The following VCAN variants were observed in gnomAD, a reference collection of about 807,000 sequenced individuals.
VCAN encodes versican.
VCAN carries 44 observed loss-of-function variants against 245.5 expected under a neutral mutation model. The ratio of observed to expected loss-of-function variants is 0.18; its 90% CI spans 0.14 to 0.23. VCAN has a LOEUF of 0.23. Ranked by LOEUF, VCAN falls within the 10% of genes least tolerant of loss-of-function variation. The probability of loss-of-function intolerance (pLI) is 1.00; values close to 1 mark genes in which losing one functional copy is unlikely to be tolerated. For missense variants in VCAN, 3,793 were observed against 4,057.9 expected, an observed-to-expected ratio of 0.93 and a Z score of 1.77; for synonymous variants, 1,413 against 1,437.0, an observed-to-expected ratio of 0.98 and a Z score of 0.38.
chr5:83,484,565 A>G (rs552185715), intron 2 of VCAN, among the ~76,000 whole-genome samples: 21 of 151,408 alleles, frequency 1.4e-4, no homozygotes, highest in African/African-American at 4.4e-4. Context: ...TCATCCATCC[A>G]TTTTTCCCAC....
chr5:83,552,221 T>C (rs1262111217), intron 10 of VCAN, among the ~76,000 whole-genome samples: 1 of 152,036 alleles, frequency 6.6e-6, no homozygotes, highest in Non-Finnish European at 1.5e-5. Context: ...ACAATCTGAG[T>C]TTCAATTTGG....
chr5:83,486,871 A>T (rs1184569050), intron 2 of VCAN, among the ~76,000 whole-genome samples: 1 of 152,164 alleles, frequency 6.6e-6, no homozygotes. Context: ...CATAAAACAG[A>T]TTTTCTGGAT....
intron 12 of VCAN, among the ~76,000 whole-genome samples, chr5:83,564,005 C>A (rs148220084): frequency 6.6e-6 from 1 of 151,984 alleles, no homozygotes; most frequent in East Asian, 1.9e-4. Flanking sequence ...AAGAAACTAC[C>A]GTAGGTGAAC....
intron 7 of VCAN, among the ~76,000 whole-genome samples, chr5:83,526,126 G>T (rs923084826): frequency 3.3e-5 from 5 of 152,086 alleles, no homozygotes; most frequent in African/African-American, 7.2e-5. Context: ...TTTTAGTAGA[G>T]ACAGGGTTTC....
intron 12 of VCAN, among the ~76,000 whole-genome samples, chr5:83,559,487 A>G (rs544522560): frequency 6.6e-6 from 1 of 152,254 alleles, no homozygotes; most frequent in East Asian, 1.9e-4. Flanking sequence ...GGAATAAGCC[A>G]TGGGTTCTCA....
In VCAN at chr5:83,560,100, A is replaced by C. The variant is rs115334864; in HGVS notation, c.9735+5062A>C. Among the ~76,000 whole-genome samples the C allele has an allele frequency of 9.1e-3, 1,388 of 152,212 alleles. 15 individuals are homozygous for C. Among genetic ancestry groups the C allele is most frequent in the African/African-American group, 0.03 (1,266 of 41,556 alleles). ...AACCCAAAGGAAAACAAGTGTTTTT[A>C]CTAGAAATGATGACAATTTTGTCCA... On this transcript the variant is annotated intron_variant, in intron 12 of 14. Transcript: ENST00000265077.
chr5:83,493,035 G>T (rs145026488), intron 3 of VCAN, among the ~76,000 whole-genome samples: 2 of 152,334 alleles, frequency 1.3e-5, no homozygotes, highest in African/African-American at 4.8e-5. Flanking sequence ...CTAGTACATT[G>T]TCTCTGAAGG....
chr5:83,572,306 A>G (rs1383597433), intron 12 of VCAN, 110 bp from the exon 13 acceptor site: 12 of 1,349,766 alleles, frequency 8.9e-6, no homozygotes, highest in East Asian at 4.6e-5. Flanking sequence ...GCTATATGAA[A>G]CAACAGAAAT....
At position 83,521,588 on chromosome 5, in the gene VCAN, A is replaced by C. The variant is rs140613404; in HGVS notation, c.3282A>C (p.Pro1094=). ...SERVPVLETT[P]VGKIDHSVSY... The stretch of plus-strand genomic sequence containing the variant: ...GGGTCCCAGTTTTAGAAACAACTCC[A>C]GTTGGAAAAATTGATCACAGTGTGT... Residue 1094 remains proline, a synonymous_variant, in exon 7 of 15, where the codon CCA becomes CCC. Transcript: ENST00000265077. The C allele has an allele frequency of 6.2e-7, 1 of 1,614,118 alleles. No homozygotes were observed. Among genetic ancestry groups the C allele is most frequent in the East Asian group, 2.2e-5 (1 of 44,880 alleles).
intron 7 of VCAN, among the ~76,000 whole-genome samples, chr5:83,528,925 A>T (rs958949912): frequency 1.3e-5 from 2 of 150,594 alleles, no homozygotes; most frequent in Non-Finnish European, 3.0e-5. Flanking sequence ...TATTATATGG[A>T]ATGATATTTC....
rs773782279 is a variant in VCAN at position 83,483,603 on chromosome 5, A to T, written c.70+15A>T. 1.2e-6 allele frequency: 2 copies of T among 1,610,422 alleles called. No individual in the cohort carries two copies. The highest frequency in any genetic ancestry group is 1.7e-4 in the Middle Eastern group (1 of 6,046). On this transcript the variant is annotated intron_variant, in intron 2 of 14. Transcript: ENST00000265077. ...GCTACATAAAGGTGAGTGTGCTAAC[A>T]ATTTCTTTGGTGTTAATTGAAATAA...
Position 83,521,069 on chromosome 5 carries a change from A to T in VCAN, c.2763A>T (p.Glu921Asp). Reference sequence around the variant, plus strand: ...AAGGCCAAGTTTATGCAACCATGGAAGGAAGTGCTTTGGGTGAAGTAGAAG... The same window carrying T: ...AAGGCCAAGTTTATGCAACCATGGATGGAAGTGCTTTGGGTGAAGTAGAAG... ...STEGQVYATM[E>D]GSALGEVEDV... is the part of the protein sequence containing the mutation. Residue 921 changes from glutamate to aspartate, a missense_variant, in exon 7 of 15, where the codon GAA becomes GAT. Glu to Asp is a conservative substitution (Grantham distance 45). Coordinates refer to ENST00000265077, the MANE Select transcript of VCAN (RefSeq NM_004385.5). 1 of 1,614,154 alleles carries T rather than the reference A, an allele frequency of 6.2e-7. No individual in the cohort carries two copies. The highest frequency in any genetic ancestry group is 8.5e-7 in the Non-Finnish European group (1 of 1,179,988).
chr5:83,516,949 C>G (rs1297283549), intron 6 of VCAN, among the ~76,000 whole-genome samples: 2 of 152,202 alleles, frequency 1.3e-5, no homozygotes, highest in Non-Finnish European at 2.9e-5. Context: ...AAAAGGAAGT[C>G]TGAGGTTTTC....
chr5:83,552,142 T>G (rs1004710313), intron 10 of VCAN, among the ~76,000 whole-genome samples: 6 of 152,188 alleles, frequency 3.9e-5, no homozygotes, highest in Non-Finnish European at 5.9e-5. Flanking sequence ...AGGAAAGAAA[T>G]GAAATCTTTC....
At chr5:83,475,043 T>C (rs1744337421) in intron 1 of VCAN, among the ~76,000 whole-genome samples, 1 of 152,178 alleles carries the variant, frequency 6.6e-6, no homozygotes, top group Admixed American at 6.5e-5. Context: ...CCATTCTTAG[T>C]CAATTAACAG....
intron 12 of VCAN, among the ~76,000 whole-genome samples, chr5:83,563,772 T>C (rs1747968088): frequency 6.6e-6 from 1 of 152,170 alleles, no homozygotes; most frequent in African/African-American, 2.4e-5. Flanking sequence ...CAGCTCTTAC[T>C]GCAGGTGTCA....
intron 12 of VCAN, among the ~76,000 whole-genome samples, chr5:83,568,093 C>A (rs978710611): frequency 6.6e-6 from 1 of 151,722 alleles, no homozygotes; most frequent in African/African-American, 2.4e-5. Flanking sequence ...TAACATTTAA[C>A]TTTAGTGAAA....
At position 83,474,706 on chromosome 5, in the gene VCAN, G is replaced by GGGGGC. The variant is rs1225177619; in HGVS notation, c.-7+2693_-7+2697dup. ...GAGGCCCCCACCCACCGAGGCCAATGGGGGCGGGGCGGGGAAGGCAGGGCC... is the reference window on the plus strand; with the variant it reads ...GAGGCCCCCACCCACCGAGGCCAATGGGGGCGGGGCGGGGCGGGGAAGGCAGGGCC... On this transcript the variant is annotated intron_variant, in intron 1 of 14. Coordinates refer to ENST00000265077, the MANE Select transcript of VCAN (RefSeq NM_004385.5). Among the ~76,000 whole-genome samples, 4 of 152,222 alleles carry GGGGGC rather than the reference G, an allele frequency of 2.6e-5. No homozygotes were observed. The East Asian group carries it at 7.7e-4, about 29-fold the overall frequency.
chr5:83,526,087 C>A (rs1271166354), intron 7 of VCAN, among the ~76,000 whole-genome samples: 2 of 146,604 alleles, frequency 1.4e-5, no homozygotes, highest in Non-Finnish European at 3.1e-5. Context: ...TTACAGGCGC[C>A]TGCCACCATG....
Sources: allele counts gnomAD v4.1 joint callset (sites outside exome capture counted in the v4.1 genomes callset), GRCh38; gene constraint gnomAD v4.1.1; transcripts MANE v1.5; gene names NCBI Gene and HGNC (gene_info 2026-07-23, HGNC 2026-07-21).